ACAN: variants seen among roughly 807,000 people sequenced by gnomAD.
ACAN encodes aggrecan.
A neutral mutation model predicts 169.1 loss-of-function variants in ACAN; 47 were observed. That is an observed-to-expected ratio of 0.28 (90% CI 0.22 to 0.35). The LOEUF is 0.35. Among genes scored for constraint, ACAN ranks in the 10% least tolerant of loss-of-function variants. The pLI is 1.00. For missense variants in ACAN, 2,716 were observed against 2,759.9 expected (o/e 0.98, Z 0.36); for synonymous variants, 1,115 against 1,112.2 (o/e 1.00, Z -0.05).
chr15:88,814,196 A>G lies in ACAN; in HGVS notation c.-8+10387A>G, dbSNP rs745602037. On this transcript the variant is annotated intron_variant, in intron 1 of 18. Coordinates refer to ENST00000560601, the MANE Select transcript of ACAN (RefSeq NM_001369268.1). This position sits in a 1 kb window ranked among gnomAD's most constrained non-coding sequence, Gnocchi z 4.0. ...CGTTTTCCTCATCTGTGAATTGGGT[A>G]TAATGACTCCTTCCCGATAGATTTG... Among the ~76,000 whole-genome samples, 5 of 152,244 alleles carry G rather than the reference A, an allele frequency of 3.3e-5. No individual in the cohort carries two copies. The highest frequency in any genetic ancestry group is 7.3e-5 in the Non-Finnish European group (5 of 68,048).
chr15:88,831,815 G>T (rs920377238), intron 1 of ACAN, among the ~76,000 whole-genome samples: 3 of 152,192 alleles, frequency 2.0e-5, no homozygotes, highest in African/African-American at 7.2e-5. Context: ...GTGGCTCCAG[G>T]GGGTAAAGAG....
At chr15:88,812,972 G>GGGAT in intron 1 of ACAN, among the ~76,000 whole-genome samples, 1 of 152,174 alleles carries the variant, frequency 6.6e-6, no homozygotes. Context: ...AGGCTTTGTA[G>GGGAT]GTGAAAAGGA....
At chr15:88,830,982 G>A (rs960206687) in intron 1 of ACAN, among the ~76,000 whole-genome samples, 3 of 152,176 alleles carry the variant, frequency 2.0e-5, no homozygotes, top group Non-Finnish European at 4.4e-5. Flanking sequence ...GAAATGTTAT[G>A]TGGCCCATGG....
chr15:88,857,408 A>G lies in ACAN; in HGVS notation c.4823A>G (p.Lys1608Arg). The stretch of plus-strand genomic sequence containing the variant: ...GCTTCTGGAGACTTGGACTTGGGCA[A>G]ACTGCCTTCTGGAACTCTAGGAAGT... ...GSASGDLDLG[K>R]LPSGTLGSGQ... The change falls in exon 12 of 19, where the codon AAA becomes AGA. Residue 1608 changes from lysine (K) to arginine (R), a missense_variant. Physicochemically the swap from Lys to Arg is conservative, Grantham distance 26. Coordinates refer to ENST00000560601, the MANE Select transcript of ACAN (RefSeq NM_001369268.1). 6.2e-7 allele frequency: 1 copy of G among 1,613,886 alleles called. No individual in the cohort carries two copies. The highest frequency in any genetic ancestry group is 8.5e-7 in the Non-Finnish European group (1 of 1,179,892).
At chr15:88,828,048 A>T (rs570245055) in intron 1 of ACAN, among the ~76,000 whole-genome samples, 1 of 152,306 alleles carries the variant, frequency 6.6e-6, no homozygotes, top group Non-Finnish European at 1.5e-5. Context: ...GCCACAAGCC[A>T]AGATGAGTCT....
intron 1 of ACAN, among the ~76,000 whole-genome samples, chr15:88,812,507 C>T (rs944711115): frequency 1.3e-5 from 2 of 152,166 alleles, no homozygotes; most frequent in African/African-American, 4.8e-5. Flanking sequence ...GTATCCCCTC[C>T]TCCTCACATC....
At chr15:88,810,538 T>C (rs59493756) in intron 1 of ACAN, among the ~76,000 whole-genome samples, 45,183 of 151,884 alleles carry the variant, frequency 0.3, 8,172 homozygotes, top group East Asian at 0.57. Context: ...CCCAAGCAGA[T>C]GCTCCCTGTC....
chr15:88,809,508 C>A (rs1895767635), intron 1 of ACAN, among the ~76,000 whole-genome samples: 1 of 152,178 alleles, frequency 6.6e-6, no homozygotes, highest in African/African-American at 2.4e-5. Flanking sequence ...TGTGCCCTGT[C>A]CCTAACCCAG....
At chr15:88,832,070 G>A (rs569532022) in intron 1 of ACAN, among the ~76,000 whole-genome samples, 45 of 152,252 alleles carry the variant, frequency 3.0e-4, no homozygotes, top group Middle Eastern at 3.4e-3. Context: ...CTCAGCCAAG[G>A]AATGGGCCAC....
intron 11 of ACAN, 40 bp downstream of exon 11, chr15:88,852,073 C>T: frequency 6.4e-7 from 1 of 1,557,516 alleles, no homozygotes; most frequent in Non-Finnish European, 8.7e-7. Context: ...CCTGAAGCTG[C>T]ATACCCCTGT....
rs60790354 is a variant in ACAN at position 88,856,932 on chromosome 15, C to T, written c.4347C>T (p.Ser1449=). Residue 1449 remains serine, a synonymous_variant, in exon 12 of 19, where the codon AGC becomes AGT. Coordinates refer to ENST00000560601, the MANE Select transcript of ACAN (RefSeq NM_001369268.1). ...ETTAPGVEEI[S]GLPSGEVLET... Reference sequence around the variant, plus strand: ...CTGCCCCTGGAGTAGAGGAGATCAGCGGGCTTCCTTCTGGAGAAGTTCTAG... The same window carrying T: ...CTGCCCCTGGAGTAGAGGAGATCAGTGGGCTTCCTTCTGGAGAAGTTCTAG... 3.6e-4 allele frequency: 577 copies of T among 1,611,838 alleles called. 3 individuals are homozygous for T. In the African/African-American group the frequency reaches 6.4e-3, roughly 18 times the overall value.
At chr15:88,806,641 C>G (rs1037944041) in intron 1 of ACAN, among the ~76,000 whole-genome samples, 2 of 152,176 alleles carry the variant, frequency 1.3e-5, no homozygotes, top group Admixed American at 6.5e-5. Flanking sequence ...AGCCACCATG[C>G]CCAGCCAGTG....
At position 88,870,083 on chromosome 15, in the gene ACAN, G is replaced by A. The variant is rs1274039364; in HGVS notation, c.7061-1299G>A. ...TTTCCAGACTGCAGCCTCACCCCTT[G>A]GGGAAGGCATTCATAGCTGAGGCAC... On this transcript the variant is annotated intron_variant, in intron 14 of 18. Coordinates refer to ENST00000560601, the MANE Select transcript of ACAN (RefSeq NM_001369268.1). The surrounding 1 kb of genome is among the most constrained non-coding windows in gnomAD (Gnocchi z 6.3). Among the ~76,000 whole-genome samples, 1 of 152,140 alleles carries A rather than the reference G, an allele frequency of 6.6e-6. No individual in the cohort carries two copies. Among genetic ancestry groups the A allele is most frequent in the East Asian group, 1.9e-4 (1 of 5,192 alleles).
Position 88,803,485 on chromosome 15 carries a change from G to C in ACAN, c.-332G>C, listed in dbSNP as rs1051149206. On this transcript the variant is annotated 5_prime_UTR_variant, in exon 1 of 19. Coordinates refer to ENST00000560601, the MANE Select transcript of ACAN (RefSeq NM_001369268.1). ...CTCCAGAGGGGGCTCGCAGAGCTGA[G>C]GACGCGCGCAGCGCTGCTCAAGGTC... 2.0e-5 allele frequency: 3 copies of C among 148,648 alleles called. No individual in the cohort carries two copies. The highest frequency in any genetic ancestry group is 4.5e-5 in the Non-Finnish European group (3 of 67,088). The allele number at this position is 148,648 out of a possible 1,614,324, so 9.2% of individuals were successfully genotyped here. A position where few individuals can be genotyped will look rare whatever the true frequency, so the allele number is the denominator to read the frequency against.
At chr15:88,813,381 C>T (rs553975305) in intron 1 of ACAN, among the ~76,000 whole-genome samples, 1 of 152,334 alleles carries the variant, frequency 6.6e-6, no homozygotes, top group South Asian at 2.1e-4. Flanking sequence ...AAATCTGGGA[C>T]TCAGAAAAGA....
chr15:88,837,168 G>GTGGC (rs893154913), intron 2 of ACAN, among the ~76,000 whole-genome samples: 1 of 152,210 alleles, frequency 6.6e-6, no homozygotes, highest in African/African-American at 2.4e-5. Flanking sequence ...GGGCCAAGGA[G>GTGGC]TGGCTGTTTG....
At position 88,873,653 on chromosome 15, in the gene ACAN, T is replaced by C. The variant is rs537121436; in HGVS notation, c.7448-189T>C. On this transcript the variant is annotated intron_variant, in intron 17 of 18. Transcript: ENST00000560601. The surrounding 1 kb of genome is among the most constrained non-coding windows in gnomAD (Gnocchi z 7.5). ...CACCCCGTTTGTATTCCCTTCCTGC[T>C]GTTCTAAATTGTTGAGGAACCCAGA... The C allele has an allele frequency of 8.7e-5, 53 of 606,824 alleles. No homozygotes were observed. In the Admixed American group the frequency reaches 1.2e-3, roughly 14 times the overall value. 37.6% of individuals were successfully genotyped at this position (606,824 alleles called of 1,614,324 possible). A position where few individuals can be genotyped will look rare whatever the true frequency, so the allele number is the denominator to read the frequency against.
rs548216816 is a variant in ACAN at position 88,859,183 on chromosome 15, G to A, written c.6598G>A (p.Gly2200Arg). The A allele has an allele frequency of 2.4e-5, 39 of 1,613,820 alleles. No individual in the cohort carries two copies. The highest frequency in any genetic ancestry group is 1.7e-4 in the African/African-American group (13 of 75,030). ...TASGDRTEIS[G>R]DLSGHTSQLG... ...TTCTGGAGACAGGACTGAAATCAGC[G>A]GAGACCTGTCTGGTCACACCTCGCA... The change falls in exon 12 of 19, where the codon GGA (glycine) becomes AGA (arginine). Residue 2200 changes from glycine to arginine, a missense_variant. Gly to Arg is a moderately radical substitution (Grantham distance 125). Around this residue, in one of 3 missense-constraint regions of ACAN, gnomAD observed 1,389 missense variants for 1,363.7 expected, o/e 1.02. Transcript: ENST00000560601.
chr15:88,823,983 G>A (rs1184484783), intron 1 of ACAN, among the ~76,000 whole-genome samples: 1 of 152,156 alleles, frequency 6.6e-6, no homozygotes, highest in Admixed American at 6.5e-5. Flanking sequence ...GCTGAGGCAG[G>A]AAGACTGTGA....
Sources: gnomAD v4.1 joint callset for allele counts (sites outside exome capture counted in the v4.1 genomes callset) on GRCh38, gnomAD v4.1.1 for gene constraint, gnomAD v4.1.1 regional missense constraint, Gnocchi (gnomAD v3.1) non-coding constraint, MANE v1.5 for transcripts, NCBI Gene and HGNC (gene_info 2026-07-23, HGNC 2026-07-21) for gene names.